Variants in EDIL3 observed in about 807,000 individuals in gnomAD.
EDIL3 encodes the protein EGF like and discoidin domains 3, also known as EGF-like repeat and discoidin I-like domain-containing protein 3.
EDIL3 carries 37 observed loss-of-function variants against 67.4 expected under a neutral mutation model. The observed-to-expected ratio is 0.55, with a 90% CI of 0.42 to 0.72. EDIL3 has a LOEUF of 0.72. Among genes scored for constraint, EDIL3 ranks in the 30% least tolerant of loss-of-function variants. The pLI is 0.00. For synonymous variants in EDIL3, 195 were observed against 196.3 expected (o/e 0.99, Z 0.05); for missense variants, 527 against 586.3 (o/e 0.90, Z 1.04).
chr5:84,201,629 G>A (rs1743840163), intron 3 of EDIL3, among the ~76,000 whole-genome samples: 1 of 152,048 alleles, frequency 6.6e-6, no homozygotes, highest in Non-Finnish European at 1.5e-5. Context: ...GTGCAAGGCT[G>A]ATTTGCCAGT....
chr5:84,269,327 A>C (rs1283527906), intron 1 of EDIL3, among the ~76,000 whole-genome samples: 1 of 152,112 alleles, frequency 6.6e-6, no homozygotes, highest in Non-Finnish European at 1.5e-5. Flanking sequence ...TTCCTTTTAC[A>C]AAGTATTTAT....
At chr5:84,081,527 G>A (rs1271667914) in intron 6 of EDIL3, among the ~76,000 whole-genome samples, 1 of 151,944 alleles carries the variant, frequency 6.6e-6, no homozygotes, top group African/African-American at 2.4e-5. Flanking sequence ...ATTTTTGAAA[G>A]AAGCCAGAGT....
chr5:84,152,390 C>T (rs1390003427), intron 4 of EDIL3, among the ~76,000 whole-genome samples: 1 of 152,148 alleles, frequency 6.6e-6, no homozygotes, highest in Admixed American at 6.5e-5. Flanking sequence ...ACAACAATTT[C>T]CATGGTATCC....
At chr5:83,995,905 G>A (rs1038642264) in intron 9 of EDIL3, among the ~76,000 whole-genome samples, 7 of 152,128 alleles carry the variant, frequency 4.6e-5, no homozygotes, top group African/African-American at 1.7e-4. Flanking sequence ...AAGACAATGT[G>A]CACTCTAAAT....
intron 9 of EDIL3, among the ~76,000 whole-genome samples, chr5:83,970,643 GTATATATATATATA>G (rs70975530): frequency 0.033 from 3,878 of 116,070 alleles, 207 homozygotes; most frequent in African/African-American, 0.1. Context: ...TAGGATCACA[GTATATATATATATA>G]TATATATATA....
intron 4 of EDIL3, among the ~76,000 whole-genome samples, chr5:84,176,217 AT>A (rs1199745771): frequency 6.1e-5 from 7 of 113,928 alleles, no homozygotes; most frequent in African/African-American, 1.3e-4. Flanking sequence ...ATATATATAT[AT>A]ATATATATAA....
intron 5 of EDIL3, among the ~76,000 whole-genome samples, chr5:84,136,934 T>C (rs929308867): frequency 5.9e-5 from 9 of 152,068 alleles, no homozygotes; most frequent in Admixed American, 3.3e-4. Context: ...TTCGTGGAAC[T>C]TGAGTATCTG....
intron 9 of EDIL3, among the ~76,000 whole-genome samples, chr5:84,009,458 G>GT (rs1745481037): frequency 1.3e-5 from 2 of 151,974 alleles, no homozygotes; most frequent in African/African-American, 2.4e-5. Flanking sequence ...GTAAGCCTTT[G>GT]TTTTGAATAA....
chr5:84,345,518 A>T (rs1169907697), intron 1 of EDIL3, among the ~76,000 whole-genome samples: 1 of 152,160 alleles, frequency 6.6e-6, no homozygotes, highest in Non-Finnish European at 1.5e-5. Context: ...GACTTTGAGA[A>T]ATGGAGTAAT....
chr5:84,026,099 A>G (rs533527510), intron 9 of EDIL3, among the ~76,000 whole-genome samples: 38 of 152,178 alleles, frequency 2.5e-4, no homozygotes, highest in Admixed American at 3.9e-4. Flanking sequence ...AATGCAGAAT[A>G]TATGGATTTC....
chr5:83,949,634 T>A (rs760716965), intron 10 of EDIL3, among the ~76,000 whole-genome samples: 2 of 151,858 alleles, frequency 1.3e-5, no homozygotes, highest in African/African-American at 2.4e-5. Context: ...CCATCATATC[T>A]TTTTTCTATT....
intron 3 of EDIL3, among the ~76,000 whole-genome samples, chr5:84,184,750 G>T (rs919679470): frequency 5.3e-5 from 8 of 152,286 alleles, no homozygotes; most frequent in African/African-American, 1.9e-4. Context: ...CTTCCTGAGG[G>T]CACAGGTGAA....
At chr5:84,308,085 G>A (rs1368306846) in intron 1 of EDIL3, among the ~76,000 whole-genome samples, 1 of 152,128 alleles carries the variant, frequency 6.6e-6, no homozygotes, top group African/African-American at 2.4e-5. Context: ...TGAAGGCAGG[G>A]AGATATTTAA....
chr5:83,969,332 T>A (rs1180613682), intron 9 of EDIL3, among the ~76,000 whole-genome samples: 7 of 151,890 alleles, frequency 4.6e-5, no homozygotes, highest in Admixed American at 6.6e-5. Context: ...TATCTCTTCA[T>A]TCCTACAGCA....
Position 83,983,743 on chromosome 5 carries a change from T to G in EDIL3, c.1138-20383A>C, listed in dbSNP as rs1745011360. On this transcript the variant is annotated intron_variant, in intron 9 of 10. Transcript: ENST00000296591. ...GACAGGTGGGAGGACAGGGACTTTCTTTTTTTTTTTTTTTTTCACTGTTCA... is the reference window on the plus strand; with the variant it reads ...GACAGGTGGGAGGACAGGGACTTTCGTTTTTTTTTTTTTTTTCACTGTTCA... Among the ~76,000 whole-genome samples, 6 of 79,188 alleles carry G rather than the reference T, an allele frequency of 7.6e-5. No homozygotes were observed. In the South Asian group the frequency reaches 1.8e-3, roughly 23 times the overall value. 52.0% of individuals were successfully genotyped at this position (79,188 alleles called of 152,430 possible).
rs145823577 is a variant in EDIL3 at position 84,143,565 on chromosome 5, T to C, written c.356-6211A>G. Among the ~76,000 whole-genome samples the C allele has an allele frequency of 3.5e-3, 534 of 152,194 alleles. 2 individuals carry two copies. Among genetic ancestry groups the C allele is most frequent in the African/African-American group, 0.013 (522 of 41,554 alleles). On this transcript the variant is annotated intron_variant, in intron 4 of 10. Transcript: ENST00000296591. ...GATACTAGTACGCAGGCAATATTCA[T>C]CCCAATTATCTGGGTTGTTTATATT...
chr5:84,272,201 G>A (rs1274412900), intron 1 of EDIL3, among the ~76,000 whole-genome samples: 1 of 151,514 alleles, frequency 6.6e-6, no homozygotes, highest in East Asian at 1.9e-4. Flanking sequence ...TTTCTATAAG[G>A]GCTTAAAAAT....
intron 4 of EDIL3, among the ~76,000 whole-genome samples, chr5:84,172,696 G>T (rs1748833618): frequency 6.6e-6 from 1 of 152,170 alleles, no homozygotes. Flanking sequence ...AAAGTATACT[G>T]TACAACCACC....
rs956000760 is a variant in EDIL3 at position 84,027,723 on chromosome 5, G to A, written c.1137+32577C>T. On this transcript the variant is annotated intron_variant, in intron 9 of 10. Coordinates refer to ENST00000296591, the MANE Select transcript of EDIL3 (RefSeq NM_005711.5). ...TATACAGGATAGACAGCAGGGAGTG[G>A]GATGAGAGAGGGAAGTGGTAAAAAA... 6.6e-5 allele frequency among the ~76,000 whole-genome samples: 10 copies of A among 152,096 alleles called. No homozygotes were observed. The South Asian group carries it at 1.2e-3, about 19-fold the overall frequency.
Sources: gnomAD v4.1 joint callset for allele counts (sites outside exome capture counted in the v4.1 genomes callset) on GRCh38, gnomAD v4.1.1 for gene constraint, MANE v1.5 for transcripts, NCBI Gene and HGNC (gene_info 2026-07-23, HGNC 2026-07-21) for gene names.